Variants in THADA observed in about 807,000 individuals in gnomAD.
THADA encodes THADA armadillo repeat containing.
In THADA, 213 loss-of-function variants were observed where a neutral mutation model predicts 219.8. The observed-to-expected ratio is 0.97, with a 90% CI of 0.87 to 1.09. The LOEUF is 1.09. THADA is among the 50% of genes least tolerant of loss of function. The pLI, the probability that THADA is intolerant of heterozygous loss-of-function variation, is 0.00. For synonymous variants in THADA, 1,018 were observed against 828.9 expected (o/e 1.23, Z -3.92); for missense variants, 2,956 against 2,311.3 (o/e 1.28, Z -5.72).
chr2:43,457,990 T>A (rs1006901241), intron 26 of THADA, among the ~76,000 whole-genome samples: 2 of 151,476 alleles, frequency 1.3e-5, no homozygotes, highest in African/African-American at 4.9e-5. Context: ...GTCCTCTACC[T>A]CTCGACAAAA....
intron 22 of THADA, among the ~76,000 whole-genome samples, chr2:43,517,741 A>C (rs1691906695): frequency 6.6e-6 from 1 of 152,102 alleles, no homozygotes; most frequent in Non-Finnish European, 1.5e-5. Flanking sequence ...ATAAATATTA[A>C]TGTGTGTACC....
chr2:43,306,572 C>T (rs1284844590), intron 31 of THADA, among the ~76,000 whole-genome samples: 1 of 152,118 alleles, frequency 6.6e-6, no homozygotes, highest in Non-Finnish European at 1.5e-5. Context: ...CTTGCTAGTG[C>T]TACAATTTAG....
chr2:43,472,917 A>T (rs183584660), intron 26 of THADA, among the ~76,000 whole-genome samples: 2 of 150,880 alleles, frequency 1.3e-5, no homozygotes, highest in African/African-American at 2.4e-5. Flanking sequence ...TATAAGAGAT[A>T]AAAAAAAATG....
At chr2:43,241,369 G>A (rs1396852117) in intron 36 of THADA, among the ~76,000 whole-genome samples, 1 of 151,888 alleles carries the variant, frequency 6.6e-6, no homozygotes, top group Admixed American at 6.5e-5. Context: ...GATTACTGGT[G>A]TGAGCCACTT....
At chr2:43,569,501 T>C (rs1016557206) in intron 14 of THADA, among the ~76,000 whole-genome samples, 4 of 152,158 alleles carry the variant, frequency 2.6e-5, no homozygotes, top group Admixed American at 2.0e-4. Context: ...GTCTTTAAAG[T>C]TCAGGTTGTG....
At position 43,460,336 on chromosome 2, in the gene THADA, G is replaced by A. The variant is rs190516232; in HGVS notation, c.3836+24898C>T. On this transcript the variant is annotated intron_variant, in intron 26 of 37. Transcript: ENST00000405975. ...TGGGTCAGCCAGTCAGCATAAGAAAGAGTTGGCAGTACCCAGGTGAAACTG... is the reference window on the plus strand; with the variant it reads ...TGGGTCAGCCAGTCAGCATAAGAAAAAGTTGGCAGTACCCAGGTGAAACTG... 2.5e-4 allele frequency among the ~76,000 whole-genome samples: 37 copies of A among 148,166 alleles called. 1 individual carries two copies. The highest frequency in any genetic ancestry group is 9.0e-4 in the African/African-American group (36 of 40,198).
chr2:43,323,698 C>T (rs1250076748), intron 30 of THADA, among the ~76,000 whole-genome samples: 1 of 152,156 alleles, frequency 6.6e-6, no homozygotes, highest in Non-Finnish European at 1.5e-5. Context: ...AGACAAACTT[C>T]AGAATAGGAT....
At chr2:43,595,553 C>G (rs967641444) in intron 1 of THADA, 1 of 152,352 alleles carries the variant, frequency 6.6e-6, no homozygotes, top group East Asian at 1.9e-4. Flanking sequence ...AACGTGTGTC[C>G]TGAAGAACCA....
chr2:43,548,662 C>G (rs554872325), intron 20 of THADA, among the ~76,000 whole-genome samples: 2 of 152,162 alleles, frequency 1.3e-5, no homozygotes, highest in African/African-American at 2.4e-5. Flanking sequence ...GGGCGTAGGA[C>G]CCTCTGAGCC....
chr2:43,562,668 T>C (rs1388202764), intron 15 of THADA: 1 of 152,228 alleles, frequency 6.6e-6, no homozygotes, highest in East Asian at 1.9e-4. Context: ...GTGTAATTCT[T>C]CTTTAAATGC....
intron 26 of THADA, among the ~76,000 whole-genome samples, chr2:43,465,437 A>G (rs755978372): frequency 1.4e-4 from 21 of 152,184 alleles, no homozygotes; most frequent in Non-Finnish European, 2.1e-4. Context: ...GAGAGCTCAG[A>G]GCGTGGGTTA....
intron 31 of THADA, among the ~76,000 whole-genome samples, chr2:43,307,533 TCTCA>T (rs1475333392): frequency 6.6e-6 from 1 of 152,238 alleles, no homozygotes; most frequent in Non-Finnish European, 1.5e-5. Context: ...TTATGTGTTC[TCTCA>T]CCCAGAGTAG....
At chr2:43,286,873 T>C (rs946780006) in intron 35 of THADA, 35 bp downstream of exon 35, 1 of 1,588,584 alleles carries the variant, frequency 6.3e-7, no homozygotes, top group Non-Finnish European at 8.6e-7. Context: ...TTTAAGTGAG[T>C]TTGGTACAAC....
chr2:43,418,860 A>C (rs1009368321), intron 28 of THADA, among the ~76,000 whole-genome samples: 4 of 152,182 alleles, frequency 2.6e-5, no homozygotes, highest in African/African-American at 9.7e-5. Flanking sequence ...AGCATCAAAC[A>C]CCAGAGAAAA....
chr2:43,581,805 G>A lies in THADA; in HGVS notation c.657C>T (p.Ser219=), dbSNP rs758392011. ...QDFQGNLWKT[S]DSPIWQNMCG... ...ACATATTTTGCCATATGGGAGAATC[G>A]GAAGTCTTCCAAAGATTTCCCTGGA... Residue 219 remains serine, a synonymous_variant, in exon 8 of 38, where the codon TCC becomes TCT. Transcript: ENST00000405975. The A allele has an allele frequency of 1.2e-4, 194 of 1,612,620 alleles. No individual in the cohort carries two copies. The highest frequency in any genetic ancestry group is 1.6e-4 in the Non-Finnish European group (185 of 1,179,656).
intron 30 of THADA, among the ~76,000 whole-genome samples, chr2:43,322,959 T>C (rs1329226019): frequency 6.6e-6 from 1 of 152,128 alleles, no homozygotes; most frequent in Non-Finnish European, 1.5e-5. Context: ...GTGCTGGGAT[T>C]ACAGGCGTGA....
intron 9 of THADA, among the ~76,000 whole-genome samples, chr2:43,577,620 A>G (rs114774423): frequency 3.5e-4 from 54 of 152,174 alleles, no homozygotes; most frequent in South Asian, 8.3e-4. Context: ...ATCTCATAAT[A>G]TATTTTTCTA....
intron 31 of THADA, among the ~76,000 whole-genome samples, chr2:43,313,853 G>GTGCC (rs1677781641): frequency 7.9e-5 from 12 of 152,358 alleles, no homozygotes; most frequent in Middle Eastern, 3.4e-3. Flanking sequence ...GGCCCTGGTT[G>GTGCC]TGCCGTGAGG....
At chr2:43,260,008 G>C (rs972836186) in intron 36 of THADA, among the ~76,000 whole-genome samples, 8 of 152,106 alleles carry the variant, frequency 5.3e-5, no homozygotes, top group African/African-American at 1.9e-4. Flanking sequence ...TTTTGAGATG[G>C]AGTCTCGCTC....
Sources: allele counts gnomAD v4.1 joint callset (sites outside exome capture counted in the v4.1 genomes callset), GRCh38; gene constraint gnomAD v4.1.1; transcripts MANE v1.5; gene names NCBI Gene and HGNC (gene_info 2026-07-23, HGNC 2026-07-21).